The following SIL1 variants were observed in gnomAD, a reference collection of about 807,000 sequenced individuals.
SIL1 encodes nucleotide exchange factor SIL1.
Under a neutral mutation model 49.1 loss-of-function variants are expected in SIL1, and 40 were observed. The observed-to-expected ratio is 0.81, with a 90% confidence interval of 0.63 to 1.06. The LOEUF is 1.06. Ranked by LOEUF, SIL1 falls within the 50% of genes least tolerant of loss-of-function variation. The pLI, the probability that SIL1 is intolerant of heterozygous loss-of-function variation, is 0.00. For synonymous variants in SIL1, 253 were observed against 250.8 expected (o/e 1.01, Z -0.08); for missense variants, 500 against 572.6 (o/e 0.87, Z 1.29).
At chr5:139,055,057 C>G (rs116270886) in intron 3 of SIL1, among the ~76,000 whole-genome samples, 75 of 152,196 alleles carry the variant, frequency 4.9e-4, no homozygotes, top group African/African-American at 1.8e-3. Context: ...ATACAGGTAA[C>G]AAGTTAGGGG....
intron 1 of SIL1, among the ~76,000 whole-genome samples, chr5:139,193,110 T>C (rs1752205470): frequency 6.6e-6 from 1 of 150,728 alleles, no homozygotes; most frequent in Non-Finnish European, 1.5e-5. Context: ...AAAGAAAGAA[T>C]ATCAGATAAG....
At chr5:138,982,504 T>C (rs1004201453) in intron 7 of SIL1, among the ~76,000 whole-genome samples, 11 of 152,246 alleles carry the variant, frequency 7.2e-5, no homozygotes, top group Admixed American at 7.2e-4. Flanking sequence ...CAACAACAAC[T>C]GGCAGTGATA....
intron 1 of SIL1, among the ~76,000 whole-genome samples, chr5:139,159,032 C>T: frequency 6.6e-6 from 1 of 152,038 alleles, no homozygotes; most frequent in East Asian, 1.9e-4. Context: ...ATTTCCCATT[C>T]CCCCTGGCAA....
intron 7 of SIL1, among the ~76,000 whole-genome samples, chr5:138,966,105 A>G (rs2150388607): frequency 6.6e-6 from 1 of 152,286 alleles, no homozygotes; most frequent in Non-Finnish European, 1.5e-5. Context: ...ATGAGATACC[A>G]AATGTAACAG....
chr5:139,167,028 G>A (rs1751637952), intron 1 of SIL1, among the ~76,000 whole-genome samples: 1 of 152,130 alleles, frequency 6.6e-6, no homozygotes, highest in South Asian at 2.1e-4. Context: ...TAGCCAGGAT[G>A]GTCTCGATCT....
At chr5:138,953,919 G>T (rs937753542) in intron 7 of SIL1, among the ~76,000 whole-genome samples, 2 of 152,190 alleles carry the variant, frequency 1.3e-5, no homozygotes. Flanking sequence ...ATCCCTCATG[G>T]GCCCTCAGAG....
At chr5:139,143,067 C>A (rs1751112401) in intron 1 of SIL1, among the ~76,000 whole-genome samples, 1 of 151,730 alleles carries the variant, frequency 6.6e-6, no homozygotes, top group South Asian at 2.1e-4. Flanking sequence ...CGCGCCCGGC[C>A]ACCCACTTTC....
At chr5:139,188,830 C>G (rs1752119356) in intron 1 of SIL1, among the ~76,000 whole-genome samples, 1 of 152,156 alleles carries the variant, frequency 6.6e-6, no homozygotes, top group Admixed American at 6.5e-5. Context: ...CAATAAAATC[C>G]CCTCATCAGA....
At chr5:139,064,944 A>G (rs1769672258) in intron 3 of SIL1, among the ~76,000 whole-genome samples, 1 of 152,232 alleles carries the variant, frequency 6.6e-6, no homozygotes, top group Non-Finnish European at 1.5e-5. Flanking sequence ...AGAGTTCTCA[A>G]TAATGTTCTC....
intron 1 of SIL1, among the ~76,000 whole-genome samples, chr5:139,195,227 C>T (rs1752244175): frequency 6.6e-6 from 1 of 152,094 alleles, no homozygotes; most frequent in South Asian, 2.1e-4. Flanking sequence ...CCACCGCACC[C>T]GGCCAGAGAC....
chr5:138,997,038 T>A (rs569109256), intron 7 of SIL1, among the ~76,000 whole-genome samples: 86 of 152,104 alleles, frequency 5.7e-4, no homozygotes, highest in Non-Finnish European at 9.9e-4. Flanking sequence ...GCTCAAGCAA[T>A]CCTCCTGCCT....
intron 7 of SIL1, among the ~76,000 whole-genome samples, chr5:139,007,015 A>G (rs1367659230): frequency 7.6e-6 from 1 of 131,494 alleles, no homozygotes; most frequent in East Asian, 2.0e-4. Context: ...TGGTAGCTTG[A>G]TGGGGATGGC....
intron 7 of SIL1, among the ~76,000 whole-genome samples, chr5:139,013,136 G>A (rs1029809819): frequency 2.6e-5 from 4 of 152,144 alleles, no homozygotes; most frequent in African/African-American, 9.7e-5. Flanking sequence ...CTGATTGCAA[G>A]TCTATTATAT....
chr5:138,949,142 C>T (rs1026696026), intron 9 of SIL1, among the ~76,000 whole-genome samples: 2 of 152,262 alleles, frequency 1.3e-5, no homozygotes, highest in African/African-American at 2.4e-5. Flanking sequence ...TCCCAGCACC[C>T]GGCACAGCAG....
intron 1 of SIL1, chr5:139,131,637 G>A (rs1474271854): frequency 6.6e-6 from 1 of 152,246 alleles, no homozygotes; most frequent in African/African-American, 2.4e-5. Context: ...GAACGGCTGA[G>A]TGCCACGAGA....
At chr5:139,169,490 T>C (rs1364217764) in intron 1 of SIL1, among the ~76,000 whole-genome samples, 1 of 151,632 alleles carries the variant, frequency 6.6e-6, no homozygotes, top group Non-Finnish European at 1.5e-5. Flanking sequence ...TTTTTTTTTT[T>C]TTTTGAGACA....
chr5:139,107,264 G>C (rs979007079), intron 3 of SIL1, among the ~76,000 whole-genome samples: 1 of 152,168 alleles, frequency 6.6e-6, no homozygotes, highest in African/African-American at 2.4e-5. Flanking sequence ...GACTGACTCA[G>C]GTGTTACCTG....
At chr5:139,166,777 G>A (rs145993361) in intron 1 of SIL1, among the ~76,000 whole-genome samples, 7 of 151,272 alleles carry the variant, frequency 4.6e-5, no homozygotes, top group East Asian at 3.9e-4. Context: ...CCTAAGTAAC[G>A]GGCACTACAG....
intron 3 of SIL1, among the ~76,000 whole-genome samples, chr5:139,058,566 T>C (rs1769509413): frequency 6.6e-6 from 1 of 152,178 alleles, no homozygotes; most frequent in African/African-American, 2.4e-5. Flanking sequence ...CCTCTAATTA[T>C]TTGTATGAGT....
Sources: gnomAD v4.1 joint callset for allele counts (sites outside exome capture counted in the v4.1 genomes callset) on GRCh38, gnomAD v4.1.1 for gene constraint, MANE v1.5 for transcripts, NCBI Gene and HGNC (gene_info 2026-07-23, HGNC 2026-07-21) for gene names.